Variants in REDIC1 observed in about 807,000 individuals in gnomAD.
REDIC1 encodes regulator of DNA class I crossover intermediates 1.
chr12:39,697,729 GAAA>G, the REDIC1 span, among the ~76,000 whole-genome samples: 1 of 151,952 alleles, frequency 6.6e-6, no homozygotes, highest in East Asian at 1.9e-4. Context: ...CAAGCCTTAT[GAAA>G]AACTCAAACC....
At chr12:39,702,574 A>C in the REDIC1 span, among the ~76,000 whole-genome samples, 1 of 152,114 alleles carries the variant, frequency 6.6e-6, no homozygotes, top group African/African-American at 2.4e-5. Flanking sequence ...ATCCTCCCTA[A>C]CTCATTTTAT....
chr12:39,860,447 C>G, the REDIC1 span, among the ~76,000 whole-genome samples: 2 of 152,184 alleles, frequency 1.3e-5, no homozygotes, highest in Non-Finnish European at 2.9e-5. Context: ...TTGCCCATGT[C>G]TATGGACTTA....
the REDIC1 span, among the ~76,000 whole-genome samples, chr12:39,673,128 TC>T: frequency 2.0e-5 from 3 of 151,914 alleles, no homozygotes; most frequent in Non-Finnish European, 2.9e-5. Context: ...GGCTAGGCCA[TC>T]TGCCTAGCCT....
chr12:39,857,580 C>T, the REDIC1 span, among the ~76,000 whole-genome samples: 2 of 152,144 alleles, frequency 1.3e-5, no homozygotes, highest in Non-Finnish European at 2.9e-5. Context: ...ATTTGTCTGT[C>T]TGTAATCAAT....
chr12:39,786,969 A>G, the REDIC1 span, among the ~76,000 whole-genome samples: 34 of 142,412 alleles, frequency 2.4e-4, 1 homozygote, highest in Admixed American at 7.4e-5. Flanking sequence ...AGACATGGGC[A>G]TATTTTCTGT....
the REDIC1 span, among the ~76,000 whole-genome samples, chr12:39,713,653 A>G: frequency 6.7e-6 from 1 of 149,184 alleles, no homozygotes; most frequent in Non-Finnish European, 1.5e-5. Context: ...ATATACCTGT[A>G]TACATGCGTA....
At chr12:39,752,806 T>G in the REDIC1 span, among the ~76,000 whole-genome samples, 1 of 152,148 alleles carries the variant, frequency 6.6e-6, no homozygotes, top group Non-Finnish European at 1.5e-5. Context: ...AGTCAATCAT[T>G]TTATTATTCA....
chr12:39,760,019 C>G, the REDIC1 span: 5 of 1,607,086 alleles, frequency 3.1e-6, no homozygotes, highest in Admixed American at 6.7e-5. Context: ...ATATGAGCAG[C>G]TGAAAATTAT....
chr12:39,862,093 T>C, the REDIC1 span, among the ~76,000 whole-genome samples: 1 of 152,178 alleles, frequency 6.6e-6, no homozygotes, highest in Admixed American at 6.5e-5. Flanking sequence ...GTCCCTATGT[T>C]CTCATTGTTC....
the REDIC1 span, among the ~76,000 whole-genome samples, chr12:39,740,066 T>A: frequency 6.6e-6 from 1 of 152,218 alleles, no homozygotes; most frequent in Non-Finnish European, 1.5e-5. Flanking sequence ...GCATTAGTGA[T>A]ATTAGGAGTT....
chr12:39,772,869 TCC>T, the REDIC1 span, among the ~76,000 whole-genome samples: 1 of 56,122 alleles, frequency 1.8e-5, no homozygotes, highest in Admixed American at 1.9e-4. Context: ...GCCAAGTAGC[TCC>T]TCATCATCCT....
At chr12:39,646,952 A>G in the REDIC1 span, 1 of 1,095,086 alleles carries the variant, frequency 9.1e-7, no homozygotes, top group Non-Finnish European at 1.3e-6. Context: ...CTAATGATCT[A>G]AATGTCTGAA....
chr12:39,672,788 G>A, the REDIC1 span, among the ~76,000 whole-genome samples: 1 of 152,290 alleles, frequency 6.6e-6, no homozygotes, highest in Admixed American at 6.5e-5. Context: ...GAAAATGTCA[G>A]TGGGGCTCCA....
the REDIC1 span, among the ~76,000 whole-genome samples, chr12:39,882,114 T>C: frequency 2.6e-5 from 4 of 152,174 alleles, no homozygotes. Flanking sequence ...TTTTTTATTA[T>C]CCATCATCAC....
chr12:39,806,146 C>T, the REDIC1 span, among the ~76,000 whole-genome samples: 3 of 152,080 alleles, frequency 2.0e-5, no homozygotes, highest in South Asian at 2.1e-4. Flanking sequence ...TCCGAGAACA[C>T]GATTTCACAA....
the REDIC1 span, chr12:39,830,525 T>C: frequency 6.9e-4 from 745 of 1,075,930 alleles, 2 homozygotes; most frequent in African/African-American, 0.011. Flanking sequence ...AATAAACTTT[T>C]GCTTTCCTAA....
chr12:39,713,726 T>C, the REDIC1 span, among the ~76,000 whole-genome samples: 1 of 147,976 alleles, frequency 6.8e-6, no homozygotes, highest in Admixed American at 6.8e-5. Context: ...CCTGTATACA[T>C]GCGTATATAC....
the REDIC1 span, among the ~76,000 whole-genome samples, chr12:39,690,706 A>C: frequency 9.5e-4 from 144 of 152,348 alleles, 2 homozygotes; most frequent in African/African-American, 3.2e-3. Context: ...ACATACATTA[A>C]GAAAACATAT....
chr12:39,903,447 C>T, the REDIC1 span, among the ~76,000 whole-genome samples: 1 of 151,986 alleles, frequency 6.6e-6, no homozygotes, highest in Non-Finnish European at 1.5e-5. Flanking sequence ...TGATTCTGGC[C>T]CCCCAGTATC....
Sources: allele counts gnomAD v4.1 joint callset (sites outside exome capture counted in the v4.1 genomes callset), GRCh38; gene constraint gnomAD v4.1.1; transcripts MANE v1.5; gene names NCBI Gene and HGNC (gene_info 2026-07-23, HGNC 2026-07-21).